Variants in CCDC57 observed in about 807,000 individuals in gnomAD.
CCDC57 encodes the protein coiled-coil domain containing 57, also known as coiled-coil domain-containing protein 57.
CCDC57 carries 118 observed loss-of-function variants against 118.9 expected under a neutral mutation model. The ratio of observed to expected loss-of-function variants is 0.99; its 90% CI spans 0.86 to 1.16. The LOEUF is 1.16. CCDC57 is among the 50% of genes most tolerant of loss of function. The probability of loss-of-function intolerance (pLI) is 0.00; values close to 1 mark genes in which losing one functional copy is unlikely to be tolerated. For missense variants in CCDC57, 1,300 were observed against 1,320.7 expected (o/e 0.98, Z 0.24); for synonymous variants, 527 against 532.9 (o/e 0.99, Z 0.15).
chr17:82,146,877 G>C (rs1305220420), intron 16 of CCDC57, among the ~76,000 whole-genome samples: 1 of 152,042 alleles, frequency 6.6e-6, no homozygotes, highest in African/African-American at 2.4e-5. Context: ...GTGCAGTCTC[G>C]CAAACAAACG....
At chr17:82,186,541 C>G (rs531338831) in intron 8 of CCDC57, among the ~76,000 whole-genome samples, 1 of 152,320 alleles carries the variant, frequency 6.6e-6, no homozygotes, top group South Asian at 2.1e-4. Flanking sequence ...ACTGATCAAA[C>G]AACAACACAG....
chr17:82,188,320 A>T, exon 8 of CCDC57: 6 of 1,606,608 alleles, frequency 3.7e-6, no homozygotes, highest in Non-Finnish European at 5.1e-6. Flanking sequence ...GCAGCTCCAG[A>T]ACCCTGGTCT....
At chr17:82,166,344 T>C (rs1450776781) in intron 13 of CCDC57, among the ~76,000 whole-genome samples, 1 of 102,152 alleles carries the variant, frequency 9.8e-6, no homozygotes, top group Admixed American at 1.2e-4. Flanking sequence ...ACCCCATCTC[T>C]ACAAAAAAAA....
chr17:82,174,170 A>G (rs1484670917), intron 11 of CCDC57, among the ~76,000 whole-genome samples: 1 of 152,210 alleles, frequency 6.6e-6, no homozygotes, highest in Non-Finnish European at 1.5e-5. Flanking sequence ...CTCCATGAAC[A>G]CAAACCTGAA....
intron 3 of CCDC57, among the ~76,000 whole-genome samples, chr17:82,199,015 A>G (rs199644518): frequency 1.8e-5 from 2 of 110,642 alleles, no homozygotes; most frequent in East Asian, 9.2e-4. Context: ...AAAAAGAAAA[A>G]GGAAAAAAAA....
At chr17:82,179,479 C>T (rs1409498533) in intron 9 of CCDC57, among the ~76,000 whole-genome samples, 1 of 152,186 alleles carries the variant, frequency 6.6e-6, no homozygotes, top group Non-Finnish European at 1.5e-5. Context: ...AGGAAAGCAA[C>T]AACCTTAAAA....
At chr17:82,191,675 AT>A (rs959795453) in intron 7 of CCDC57, among the ~76,000 whole-genome samples, 5 of 151,276 alleles carry the variant, frequency 3.3e-5, no homozygotes, top group African/African-American at 7.3e-5. Context: ...ATTTTCTAAG[AT>A]TTTTTTTTAA....
At chr17:82,108,790 G>C (rs759342833) in intron 19 of CCDC57, 1 of 152,150 alleles carries the variant, frequency 6.6e-6, no homozygotes, top group Non-Finnish European at 1.5e-5. Flanking sequence ...AGAGTGAAGC[G>C]TTTCACTGAA....
In CCDC57 at chr17:82,129,903, A is replaced by C. The variant is rs113173845; in HGVS notation, c.2578-1306T>G. Among the ~76,000 whole-genome samples, 810 of 152,018 alleles carry C rather than the reference A, an allele frequency of 5.3e-3. 8 individuals are homozygous for C. Among genetic ancestry groups the C allele is most frequent in the African/African-American group, 0.018 (765 of 41,458 alleles). ...GAAACTCTGTCTCAAAAAATAAATA[A>C]ATAAAAAATTAGGCTGGGCGCGGTA... On this transcript the variant is annotated intron_variant, in intron 17 of 19. Transcript: ENST00000665763.
chr17:82,111,378 T>C (rs1360015799), intron 19 of CCDC57, among the ~76,000 whole-genome samples: 12 of 110,560 alleles, frequency 1.1e-4, no homozygotes, highest in African/African-American at 5.3e-4. Flanking sequence ...CCTAGGGCCC[T>C]TTTTTTTTTT....
chr17:82,153,481 T>C (rs1015450161), intron 15 of CCDC57: 8 of 152,184 alleles, frequency 5.3e-5, no homozygotes, highest in African/African-American at 1.9e-4. Context: ...AGGGGCCTTC[T>C]TGCTGTTGAC....
At chr17:82,143,871 G>A (rs916783254) in intron 16 of CCDC57, among the ~76,000 whole-genome samples, 4 of 151,602 alleles carry the variant, frequency 2.6e-5, no homozygotes, top group African/African-American at 9.7e-5. Context: ...GGCCAAGGCG[G>A]GTGGATTGCT....
intron 19 of CCDC57, among the ~76,000 whole-genome samples, chr17:82,109,540 G>T (rs896385099): frequency 2.0e-5 from 3 of 152,198 alleles, no homozygotes; most frequent in African/African-American, 4.8e-5. Context: ...TAATGAAAAA[G>T]AATTCTTAGA....
At chr17:82,126,501 G>A in intron 19 of CCDC57, 2 of 972,580 alleles carry the variant, frequency 2.1e-6, no homozygotes, top group Middle Eastern at 5.3e-4. Context: ...ACACAAATGG[G>A]CAGGTAACTG....
intron 6 of CCDC57, 29 bp downstream of exon 5, chr17:82,193,953 A>G: frequency 6.3e-7 from 1 of 1,594,474 alleles, no homozygotes; most frequent in Non-Finnish European, 8.5e-7. Flanking sequence ...GCCACAGAGC[A>G]CGCCTCGGGA....
At chr17:82,168,695 G>A (rs1441542756) in intron 13 of CCDC57, among the ~76,000 whole-genome samples, 4 of 151,954 alleles carry the variant, frequency 2.6e-5, no homozygotes, top group South Asian at 2.1e-4. Flanking sequence ...AAGAAAGCCC[G>A]AGTGGATTAA....
chr17:82,125,466 C>CCCAGGT (rs1370168147), intron 19 of CCDC57, among the ~76,000 whole-genome samples: 2 of 152,064 alleles, frequency 1.3e-5, no homozygotes, highest in East Asian at 3.9e-4. Flanking sequence ...ACCTCCACCT[C>CCCAGGT]CCAGGTTCAA....
rs2050249745 is a variant in CCDC57, at chr17:82,212,635, G to C, written c.-211+150C>G. On this transcript the variant is annotated intron_variant, in intron 1 of 19. Coordinates refer to ENST00000665763, the Ensembl canonical transcript of CCDC57. This position sits in a 1 kb window ranked among gnomAD's most constrained non-coding sequence, Gnocchi z 4.1. ...GGGGATCCCCGGTCCGGGCCTGGCC[G>C]AGCTCTGAGGGTCGACCTCGCGCTC... 2 of 151,790 alleles carry C rather than the reference G, an allele frequency of 1.3e-5. No homozygotes were observed. Among genetic ancestry groups the C allele is most frequent in the Admixed American group, 1.3e-4 (2 of 15,262 alleles). 9.4% of individuals were successfully genotyped at this position (151,790 alleles called of 1,614,324 possible). A position where few individuals can be genotyped will look rare whatever the true frequency, so the allele number is the denominator to read the frequency against.
chr17:82,202,831 T>C (rs1599461577), intron 2 of CCDC57, among the ~76,000 whole-genome samples: 1 of 152,200 alleles, frequency 6.6e-6, no homozygotes, highest in Admixed American at 6.5e-5. Flanking sequence ...TTTGTCCAGC[T>C]ATAAGAGCTA....
Sources: allele counts gnomAD v4.1 joint callset (sites outside exome capture counted in the v4.1 genomes callset), GRCh38; gene constraint gnomAD v4.1.1; non-coding constraint Gnocchi (gnomAD v3.1); transcripts MANE v1.5; gene names NCBI Gene and HGNC (gene_info 2026-07-23, HGNC 2026-07-21).